TENM1: variants seen among roughly 807,000 people sequenced by gnomAD.
The protein encoded by TENM1 is teneurin-1.
A neutral mutation model predicts 174.8 loss-of-function variants in TENM1; 35 were observed. That is an observed-to-expected ratio of 0.20 (90% CI 0.15 to 0.27). The LOEUF is 0.27. TENM1 is among the 10% of genes least tolerant of loss of function. The probability of loss-of-function intolerance (pLI) is 1.00; values close to 1 mark genes in which losing one functional copy is unlikely to be tolerated. For synonymous variants in TENM1, 781 were observed against 798.7 expected, an observed-to-expected ratio of 0.98 and a Z score of 0.37; for missense variants, 1,633 against 2,130.1, an observed-to-expected ratio of 0.77 and a Z score of 4.59.
intron 1 of TENM1, among the ~76,000 whole-genome samples, chrX:124,925,958 T>C (rs754482262): frequency 6.2e-5 from 7 of 112,038 alleles, no homozygotes; most frequent in Non-Finnish European, 9.4e-5. Context: ...ACAGGCCCAA[T>C]TTTGCTGGAC....
intron 18 of TENM1, among the ~76,000 whole-genome samples, chrX:124,507,440 C>T (rs1034870498): frequency 9.0e-6 from 1 of 111,289 alleles, no homozygotes; most frequent in African/African-American, 3.3e-5. Context: ...TCTAGATAGT[C>T]GTGTTACTTT....
chrX:125,013,299 C>G, the TENM1 span, among the ~76,000 whole-genome samples: 1 of 111,497 alleles, frequency 9.0e-6, no homozygotes, highest in Non-Finnish European at 1.9e-5. Flanking sequence ...AAAACGATTG[C>G]TTTAAGTTAG....
At position 124,529,855 on chromosome X, in the gene TENM1, T is replaced by C. The variant is rs374879658; in HGVS notation, c.2771+9A>G. The C allele has an allele frequency of 9.8e-5, 119 of 1,209,289 alleles. No individual in the cohort carries two copies. Among genetic ancestry groups the C allele is most frequent in the Non-Finnish European group, 1.2e-4 (111 of 894,974 alleles). ...GCCCCCACAATGATCAGAAACAACA[T>C]TGACATACCTTCCATCTTGCCGGCT... On this transcript the variant is annotated intron_variant, in intron 16 of 31. Transcript: ENST00000422452.
chrX:124,824,071 C>A (rs1046305473), intron 3 of TENM1, among the ~76,000 whole-genome samples: 9 of 111,676 alleles, frequency 8.1e-5, no homozygotes, highest in Admixed American at 6.7e-4. Context: ...GGACTTCCTT[C>A]CTTTCTTTAT....
chrX:124,511,084 T>C (rs1343437888), intron 18 of TENM1, among the ~76,000 whole-genome samples: 2 of 112,125 alleles, frequency 1.8e-5, no homozygotes, highest in African/African-American at 6.5e-5. Flanking sequence ...CATATTAAAA[T>C]GTATACAACT....
intron 22 of TENM1, among the ~76,000 whole-genome samples, chrX:124,475,467 G>A (rs930129484): frequency 1.8e-5 from 2 of 111,479 alleles, no homozygotes; most frequent in Admixed American, 9.6e-5. Flanking sequence ...CTTCACCAGT[G>A]ATATTTATTT....
the TENM1 span, among the ~76,000 whole-genome samples, chrX:125,129,049 T>A: frequency 3.6e-5 from 4 of 111,271 alleles, no homozygotes; most frequent in Admixed American, 1.9e-4. Context: ...GCTGGAGAAC[T>A]CCTGTCTCTC....
At chrX:124,465,081 T>C (rs2061226876) in intron 22 of TENM1, among the ~76,000 whole-genome samples, 1 of 112,018 alleles carries the variant, frequency 8.9e-6, no homozygotes, top group Admixed American at 9.5e-5. Flanking sequence ...CTTTAACAAA[T>C]TTAAATAGTC....
chrX:125,046,443 T>A, the TENM1 span, among the ~76,000 whole-genome samples: 1 of 112,192 alleles, frequency 8.9e-6, no homozygotes, highest in East Asian at 2.8e-4. Flanking sequence ...GCTGTAAAAT[T>A]CCTAGTTGTC....
chrX:124,862,456 G>A (rs765378438), intron 3 of TENM1, among the ~76,000 whole-genome samples: 12 of 111,574 alleles, frequency 1.1e-4, no homozygotes, highest in Non-Finnish European at 1.7e-4. Context: ...CTGGGCGCTG[G>A]GGGAGGGAGA....
At chrX:124,563,793 G>T in intron 12 of TENM1, 21 bp from the exon 16 acceptor site, 1 of 1,181,328 alleles carries the variant, frequency 8.5e-7, no homozygotes, top group Non-Finnish European at 1.1e-6. Flanking sequence ...GGGGAAAAGA[G>T]TGATCAAATG....
At chrX:124,529,236 G>A (rs930066114) in intron 16 of TENM1, among the ~76,000 whole-genome samples, 25 of 111,780 alleles carry the variant, frequency 2.2e-4, no homozygotes, top group African/African-American at 6.8e-4. Flanking sequence ...TCTAAATGAC[G>A]GCAACAAAAA....
the TENM1 span, among the ~76,000 whole-genome samples, chrX:125,015,085 T>C: frequency 9.0e-6 from 1 of 111,074 alleles, no homozygotes; most frequent in African/African-American, 3.3e-5. Flanking sequence ...CTACACACAG[T>C]AAAGTGGTTG....
At chrX:124,873,494 C>A (rs1010583678) in intron 3 of TENM1, among the ~76,000 whole-genome samples, 1 of 111,485 alleles carries the variant, frequency 9.0e-6, no homozygotes, top group South Asian at 3.7e-4. Context: ...GAAATGGAAT[C>A]GAATAGAAGA....
intron 20 of TENM1, among the ~76,000 whole-genome samples, chrX:124,496,615 A>T (rs1436541743): frequency 8.9e-6 from 1 of 112,096 alleles, no homozygotes; most frequent in Non-Finnish European, 1.9e-5. Context: ...GATTGGAAAT[A>T]AAAACTTATG....
chrX:124,636,033 CA>C (rs768550015), intron 11 of TENM1, among the ~76,000 whole-genome samples: 16 of 112,073 alleles, frequency 1.4e-4, no homozygotes, highest in Non-Finnish European at 7.5e-5. Flanking sequence ...CCTAGAAATA[CA>C]GACTGAAAAT....
chrX:125,038,977 G>A, the TENM1 span, among the ~76,000 whole-genome samples: 5,151 of 111,420 alleles, frequency 0.046, 264 homozygotes, highest in African/African-American at 0.16. Context: ...ACTTCTTCAT[G>A]TATACAGAAA....
intron 11 of TENM1, among the ~76,000 whole-genome samples, chrX:124,585,541 G>A (rs1205150411): frequency 1.8e-5 from 2 of 111,735 alleles, no homozygotes; most frequent in Non-Finnish European, 1.9e-5. Context: ...AAAGCAGTGT[G>A]TAGATGGAAA....
chrX:124,602,894 A>C (rs1485702117), intron 11 of TENM1, among the ~76,000 whole-genome samples: 2 of 111,479 alleles, frequency 1.8e-5, no homozygotes, highest in Non-Finnish European at 3.8e-5. Flanking sequence ...ATTTTGAAAA[A>C]GGGTTTTTGC....
Sources: gnomAD v4.1 joint callset for allele counts (sites outside exome capture counted in the v4.1 genomes callset) on GRCh38, gnomAD v4.1.1 for gene constraint, MANE v1.5 for transcripts, NCBI Gene and HGNC (gene_info 2026-07-23, HGNC 2026-07-21) for gene names.